Variants in LOXHD1 observed in about 807,000 individuals in gnomAD.
LOXHD1 encodes lipoxygenase homology domain-containing protein 1.
In LOXHD1, 205 loss-of-function variants were observed where a neutral mutation model predicts 248.2. That is an observed-to-expected ratio of 0.83 (90% CI 0.74 to 0.93). LOXHD1 has a LOEUF of 0.93. LOXHD1 is among the 40% of genes least tolerant of loss of function. The pLI, the probability that LOXHD1 is intolerant of heterozygous loss-of-function variation, is 0.00. For synonymous variants in LOXHD1, 1,113 were observed against 1,162.8 expected, an observed-to-expected ratio of 0.96 and a Z score of 0.87; for missense variants, 2,930 against 2,971.6, an observed-to-expected ratio of 0.99 and a Z score of 0.33.
intron 37 of LOXHD1, among the ~76,000 whole-genome samples, chr18:46,490,213 A>T (rs892514731): frequency 6.6e-6 from 1 of 152,226 alleles, no homozygotes; most frequent in Non-Finnish European, 1.5e-5. Flanking sequence ...TGCTCATTAT[A>T]TGTCCGCAAG....
At position 46,505,922 on chromosome 18, in the gene LOXHD1, G is replaced by T; in HGVS notation, c.5794C>A (p.Arg1932=). The change falls in exon 37 of 41, where the codon CGG becomes AGG. Residue 1932 remains arginine (R), a synonymous_variant. Coordinates refer to ENST00000642948, the MANE Select transcript of LOXHD1 (RefSeq NM_001384474.1). ...KQSANWNKFE[R]NNTDTFNFPD... is the part of the protein sequence containing the mutation. ...AAGTTGAATGTGTCCGTGTTGTTCC[G>T]CTCAAACTTGTTCCAGTTTGCCGAC... The T allele has an allele frequency of 6.4e-7, 1 of 1,551,924 alleles. No homozygotes were observed. Among genetic ancestry groups the T allele is most frequent in the East Asian group, 2.4e-5 (1 of 40,902 alleles).
At chr18:46,641,776 T>A (rs2038965739) in intron 3 of LOXHD1, among the ~76,000 whole-genome samples, 180 bp downstream of exon 3, 1 of 152,164 alleles carries the variant, frequency 6.6e-6, no homozygotes. Flanking sequence ...CCAAAAAAAA[T>A]GAATCTCCAG....
At position 46,533,159 on chromosome 18, in the gene LOXHD1, T is replaced by A; in HGVS notation, c.4375+3A>T. On this transcript the variant is annotated splice_donor_region_variant and intron_variant, in intron 28 of 40. Transcript: ENST00000642948. The stretch of plus-strand genomic sequence containing the variant: ...GTGATGAGGGTGGCCACACCACACT[T>A]ACTGTCCAGAGGCTCTTCTACTTCC... 3 of 1,551,614 alleles carry A rather than the reference T, an allele frequency of 1.9e-6. No homozygotes were observed. The highest frequency in any genetic ancestry group is 2.6e-6 in the Non-Finnish European group (3 of 1,146,946).
intron 2 of LOXHD1, among the ~76,000 whole-genome samples, chr18:46,644,477 A>G (rs1002428395): frequency 6.6e-6 from 1 of 152,218 alleles, no homozygotes; most frequent in African/African-American, 2.4e-5. Flanking sequence ...CAGTGCCTCG[A>G]GAGGCCAAGG....
chr18:46,622,621 AAT>A (rs1465464683), intron 4 of LOXHD1, among the ~76,000 whole-genome samples: 2 of 152,148 alleles, frequency 1.3e-5, no homozygotes, highest in East Asian at 3.9e-4. Flanking sequence ...GCTGCAGGAT[AAT>A]GGCAGCATAT....
intron 5 of LOXHD1, among the ~76,000 whole-genome samples, chr18:46,613,412 T>C (rs2038537389): frequency 6.6e-6 from 1 of 152,154 alleles, no homozygotes; most frequent in African/African-American, 2.4e-5. Flanking sequence ...TAATCTTATA[T>C]CCAGCAACTT....
intron 34 of LOXHD1, among the ~76,000 whole-genome samples, chr18:46,515,650 G>C (rs968101560): frequency 6.6e-6 from 1 of 152,166 alleles, no homozygotes; most frequent in African/African-American, 2.4e-5. Context: ...GAGTGGGATA[G>C]TTAATCAGAG....
intron 39 of LOXHD1, among the ~76,000 whole-genome samples, chr18:46,484,608 G>A (rs934862563): frequency 1.3e-5 from 2 of 152,204 alleles, no homozygotes. Flanking sequence ...TGTTATAGCA[G>A]TCAGAATGGA....
chr18:46,569,706 G>A (rs991511290), intron 15 of LOXHD1, 68 bp from the exon 16 acceptor site: 50 of 1,281,474 alleles, frequency 3.9e-5, no homozygotes, highest in African/African-American at 1.6e-4. Flanking sequence ...AGCAGGGTGC[G>A]TGTATAGGAG....
intron 30 of LOXHD1, 40 bp from the exon 31 acceptor site, chr18:46,524,641 C>G (rs1244901572): frequency 1.3e-6 from 2 of 1,551,382 alleles, no homozygotes; most frequent in Non-Finnish European, 1.7e-6. Flanking sequence ...AGCTCCAGCA[C>G]CTCCACCTCG....
intron 4 of LOXHD1, among the ~76,000 whole-genome samples, chr18:46,634,914 T>C (rs767384807): frequency 2.6e-5 from 4 of 152,186 alleles, no homozygotes; most frequent in Non-Finnish European, 4.4e-5. Flanking sequence ...CACTAAACTG[T>C]CCATTTAAAA....
chr18:46,508,813 C>T (rs1457795936), intron 35 of LOXHD1, among the ~76,000 whole-genome samples: 2 of 152,198 alleles, frequency 1.3e-5, no homozygotes, highest in African/African-American at 4.8e-5. Flanking sequence ...TGGAGCCACT[C>T]TTAGCATGGA....
chr18:46,647,588 C>T (rs1012779100), intron 2 of LOXHD1, among the ~76,000 whole-genome samples: 11 of 152,192 alleles, frequency 7.2e-5, no homozygotes, highest in Admixed American at 4.6e-4. Flanking sequence ...ATTCTCTTTA[C>T]CGTGCCCACA....
intron 34 of LOXHD1, among the ~76,000 whole-genome samples, chr18:46,515,813 C>T (rs1009733553): frequency 2.0e-5 from 3 of 152,230 alleles, no homozygotes; most frequent in South Asian, 2.1e-4. Flanking sequence ...CAAGAAACCA[C>T]GGTCTCTACA....
rs764331073 is a variant in LOXHD1 at position 46,641,960 on chromosome 18, C to T, written c.322G>A (p.Val108Ile). 1 of 1,551,878 alleles carries T rather than the reference C, an allele frequency of 6.4e-7. No individual in the cohort carries two copies. Among genetic ancestry groups the T allele is most frequent in the Non-Finnish European group, 8.7e-7 (1 of 1,146,806 alleles). Reference sequence around the variant, plus strand: ...AGTCAGGCGCCAGCTTCTCACCTGACTTTATAGATGAGGCCCACATTGTTG... The same window carrying T: ...AGTCAGGCGCCAGCTTCTCACCTGATTTTATAGATGAGGCCCACATTGTTG... ...RTNNVGLIYK[V>I]RIEHDNTGLN... The change falls in exon 3 of 41, where the codon GTC (valine) becomes ATC (isoleucine). Residue 108 changes from valine (V) to isoleucine (I), a missense_variant. By Grantham distance (29) the Val-to-Ile change is conservative. Coordinates refer to ENST00000642948, the MANE Select transcript of LOXHD1 (RefSeq NM_001384474.1).
intron 21 of LOXHD1, 81 bp from the exon 22 acceptor site, chr18:46,547,139 G>C (rs2036883868): frequency 2.7e-6 from 4 of 1,477,862 alleles, no homozygotes; most frequent in Admixed American, 3.9e-5. Context: ...GAGAATGAGA[G>C]GCCCTCTATG....
At position 46,507,646 on chromosome 18, in the gene LOXHD1, G is replaced by T. The variant is rs201994383; in HGVS notation, c.5584C>A (p.Arg1862=). The T allele has an allele frequency of 1.4e-5, 21 of 1,551,656 alleles. No individual in the cohort carries two copies. The highest frequency in any genetic ancestry group is 1.7e-5 in the Non-Finnish European group (20 of 1,146,976). ...CACACCAGGGTCTTCTTGCCCTTCC[G>T]CTGGGACAGCCAGTCTCCATAGTAG... ...MFYYGDWLSQ[R]KGKKTLVCEM... The change falls in exon 36 of 41, where the codon CGG becomes AGG. Residue 1862 remains arginine, a synonymous_variant. Coordinates refer to ENST00000642948, the MANE Select transcript of LOXHD1 (RefSeq NM_001384474.1).
intron 6 of LOXHD1, among the ~76,000 whole-genome samples, chr18:46,605,431 G>A (rs1320469989): frequency 2.6e-5 from 4 of 152,100 alleles, no homozygotes; most frequent in African/African-American, 4.8e-5. Flanking sequence ...GGAGAATGGC[G>A]TGAACCCAGG....
At chr18:46,552,624 C>A (rs1471927819) in intron 21 of LOXHD1, among the ~76,000 whole-genome samples, 1 of 152,176 alleles carries the variant, frequency 6.6e-6, no homozygotes, top group Non-Finnish European at 1.5e-5. Context: ...GCCAAGGCCT[C>A]CACAGCTTTA....
Sources: allele counts gnomAD v4.1 joint callset (sites outside exome capture counted in the v4.1 genomes callset), GRCh38; gene constraint gnomAD v4.1.1; transcripts MANE v1.5; gene names NCBI Gene and HGNC (gene_info 2026-07-23, HGNC 2026-07-21).